The following CDH13 variants were observed in gnomAD, a reference collection of about 807,000 sequenced individuals.
The protein encoded by CDH13 is cadherin 13.
A neutral mutation model predicts 63.8 loss-of-function variants in CDH13; 24 were observed. That is an observed-to-expected ratio of 0.38 (90% CI 0.27 to 0.53). The LOEUF is 0.53. Ranked by LOEUF, CDH13 falls within the 20% of genes least tolerant of loss-of-function variation. CDH13 has a pLI of 0.85. For synonymous variants in CDH13, 503 were observed against 355.3 expected (o/e 1.42, Z -4.67); for missense variants, 1,049 against 903.1 (o/e 1.16, Z -2.07).
intron 5 of CDH13, among the ~76,000 whole-genome samples, chr16:83,267,427 G>A (rs1264863544): frequency 6.6e-6 from 1 of 152,184 alleles, no homozygotes; most frequent in Non-Finnish European, 1.5e-5. Flanking sequence ...GAGAAAGAGA[G>A]AGCAGCTCTC....
chr16:83,408,337 G>C (rs898209393), intron 6 of CDH13, among the ~76,000 whole-genome samples: 1 of 152,126 alleles, frequency 6.6e-6, no homozygotes, highest in African/African-American at 2.4e-5. Context: ...CTTCTGAGAA[G>C]GTATCATTAG....
At chr16:83,573,136 G>C (rs1455422595) in intron 7 of CDH13, among the ~76,000 whole-genome samples, 1 of 152,176 alleles carries the variant, frequency 6.6e-6, no homozygotes, top group African/African-American at 2.4e-5. Context: ...GAGCTGCCAA[G>C]AAATTTAAAG....
At chr16:82,663,797 G>A (rs559782390) in intron 1 of CDH13, among the ~76,000 whole-genome samples, 1 of 152,138 alleles carries the variant, frequency 6.6e-6, no homozygotes, top group South Asian at 2.1e-4. Flanking sequence ...GGTGATCTCT[G>A]GTCCCCTTTG....
chr16:83,037,765 T>A (rs1450143463), intron 3 of CDH13, among the ~76,000 whole-genome samples: 1 of 152,126 alleles, frequency 6.6e-6, no homozygotes, highest in Non-Finnish European at 1.5e-5. Context: ...ATGAGTGGGT[T>A]CAAATTTCTG....
rs34536219 is a variant in CDH13 at position 83,077,186 on chromosome 16, C to CTTTTTTT, written c.366+44986_366+44992dup. Reference sequence around the variant, plus strand: ...TCTTTTCTTTTCTTTTTTTTCTTTTCTTTTTTTTTTTTTTTTTTTTTTTTG... The same window carrying CTTTTTTT: ...TCTTTTCTTTTCTTTTTTTTCTTTTCTTTTTTTTTTTTTTTTTTTTTTTTTTTTTTTG... On this transcript the variant is annotated intron_variant, in intron 3 of 13. Transcript: ENST00000567109. Among the ~76,000 whole-genome samples the CTTTTTTT allele has an allele frequency of 6.5e-3, 382 of 59,208 alleles. 19 individuals are homozygous for CTTTTTTT. Among genetic ancestry groups the CTTTTTTT allele is most frequent in the Non-Finnish European group, 7.2e-3 (243 of 33,932 alleles). The allele number at this position is 59,208 out of a possible 152,430, so 38.8% of individuals were successfully genotyped here.
At chr16:83,350,314 G>A (rs1048339686) in intron 6 of CDH13, among the ~76,000 whole-genome samples, 2 of 152,222 alleles carry the variant, frequency 1.3e-5, no homozygotes, top group African/African-American at 4.8e-5. Flanking sequence ...GAGAAAGATA[G>A]GTGGTGAGAG....
chr16:82,853,267 T>C (rs554148420), intron 1 of CDH13, among the ~76,000 whole-genome samples: 2 of 152,344 alleles, frequency 1.3e-5, no homozygotes, highest in South Asian at 4.1e-4. Context: ...CCCTGCTATG[T>C]CCCTGTATGT....
chr16:83,025,321 G>A (rs1319730003), intron 2 of CDH13, among the ~76,000 whole-genome samples: 7 of 152,186 alleles, frequency 4.6e-5, no homozygotes, highest in Admixed American at 3.9e-4. Context: ...ACATACCTGG[G>A]ACAGGGTAAT....
At chr16:82,960,670 G>A (rs1218147036) in intron 2 of CDH13, among the ~76,000 whole-genome samples, 3 of 152,074 alleles carry the variant, frequency 2.0e-5, no homozygotes, top group Non-Finnish European at 2.9e-5. Flanking sequence ...CCACAAGAAC[G>A]TGCAAAGCAG....
chr16:82,695,100 G>C (rs1001680657), intron 1 of CDH13, among the ~76,000 whole-genome samples: 5 of 152,094 alleles, frequency 3.3e-5, no homozygotes, highest in African/African-American at 1.2e-4. Context: ...GCATGTTCTT[G>C]GTACCAGAAG....
chr16:83,268,339 G>C (rs2088688218), intron 5 of CDH13, among the ~76,000 whole-genome samples: 2 of 152,210 alleles, frequency 1.3e-5, no homozygotes, highest in African/African-American at 2.4e-5. Flanking sequence ...TGTGTAGCCT[G>C]AGGGATCTGG....
At chr16:82,637,946 T>G (rs1253288001) in intron 1 of CDH13, among the ~76,000 whole-genome samples, 1 of 152,182 alleles carries the variant, frequency 6.6e-6, no homozygotes, top group African/African-American at 2.4e-5. Flanking sequence ...CTCATGGAGC[T>G]TACAGTTTTG....
intron 7 of CDH13, among the ~76,000 whole-genome samples, chr16:83,541,455 T>C (rs1359983502): frequency 6.6e-6 from 1 of 152,232 alleles, no homozygotes; most frequent in Non-Finnish European, 1.5e-5. Context: ...GATCGTGTGT[T>C]CACTAAACTC....
At chr16:83,611,106 C>G (rs1376509378) in intron 8 of CDH13, among the ~76,000 whole-genome samples, 2 of 152,062 alleles carry the variant, frequency 1.3e-5, no homozygotes, top group Non-Finnish European at 2.9e-5. Flanking sequence ...TGGGTAATAC[C>G]TTTTCAAGTC....
At chr16:83,210,515 G>T (rs193035878) in intron 4 of CDH13, among the ~76,000 whole-genome samples, 1 of 152,006 alleles carries the variant, frequency 6.6e-6, no homozygotes, top group African/African-American at 2.4e-5. Flanking sequence ...ATTCATTTAC[G>T]TATTCATTAT....
chr16:83,102,948 C>CTTTTTT (rs71148813), intron 3 of CDH13, among the ~76,000 whole-genome samples: 1 of 69,022 alleles, frequency 1.4e-5, no homozygotes. Flanking sequence ...TTTTCTTTTT[C>CTTTTTT]TTTTTTTTTT....
At chr16:83,342,429 GA>G (rs1300052464) in intron 5 of CDH13, among the ~76,000 whole-genome samples, 1 of 152,166 alleles carries the variant, frequency 6.6e-6, no homozygotes, top group Non-Finnish European at 1.5e-5. Context: ...TTAACTTTAA[GA>G]AAATCCCACT....
intron 5 of CDH13, among the ~76,000 whole-genome samples, chr16:83,265,078 C>G (rs1907445059): frequency 6.6e-6 from 1 of 152,216 alleles, no homozygotes; most frequent in Non-Finnish European, 1.5e-5. Flanking sequence ...AACATTCCAA[C>G]AGAGCTGTGA....
intron 1 of CDH13, among the ~76,000 whole-genome samples, chr16:82,792,615 C>T (rs1209624515): frequency 6.6e-6 from 1 of 152,132 alleles, no homozygotes; most frequent in African/African-American, 2.4e-5. Context: ...ACTGCATCCC[C>T]AACTCTGAGG....
Sources: allele counts gnomAD v4.1 joint callset (sites outside exome capture counted in the v4.1 genomes callset), GRCh38; gene constraint gnomAD v4.1.1; transcripts MANE v1.5; gene names NCBI Gene and HGNC (gene_info 2026-07-23, HGNC 2026-07-21).